The following CACNA1C variants were observed in gnomAD, a reference collection of about 807,000 sequenced individuals.
CACNA1C encodes calcium voltage-gated channel subunit alpha1 C, also known as voltage-dependent L-type calcium channel subunit alpha-1C.
A neutral mutation model predicts 229.0 loss-of-function variants in CACNA1C; 30 were observed. That is an observed-to-expected ratio of 0.13 (90% CI 0.10 to 0.18). CACNA1C has a LOEUF of 0.18. Among genes scored for constraint, CACNA1C ranks in the 10% least tolerant of loss-of-function variants. The probability of loss-of-function intolerance (pLI) is 1.00; values close to 1 mark genes in which losing one functional copy is unlikely to be tolerated. For synonymous variants in CACNA1C, 1,114 were observed against 1,132.5 expected (o/e 0.98, Z 0.33); for missense variants, 1,658 against 2,845.0 (o/e 0.58, Z 9.49).
intron 3 of CACNA1C, among the ~76,000 whole-genome samples, chr12:2,168,492 C>T (rs2096341431): frequency 1.3e-5 from 2 of 152,150 alleles, no homozygotes; most frequent in Non-Finnish European, 2.9e-5. Flanking sequence ...GCCCTTGAAG[C>T]CCAGGCTTTA....
At chr12:2,294,767 C>T (rs996811524) in intron 3 of CACNA1C, among the ~76,000 whole-genome samples, 2 of 152,146 alleles carry the variant, frequency 1.3e-5, no homozygotes, top group Non-Finnish European at 2.9e-5. Context: ...GGACTGCGGG[C>T]GCGTTGTTGG....
intron 3 of CACNA1C, among the ~76,000 whole-genome samples, chr12:2,213,779 C>T (rs2059277273): frequency 1.3e-5 from 2 of 152,246 alleles, no homozygotes; most frequent in Admixed American, 6.5e-5. Flanking sequence ...ATTTATGGCT[C>T]TGCTTACACA....
At chr12:2,150,479 C>T (rs751587761) in intron 3 of CACNA1C, among the ~76,000 whole-genome samples, 51 of 152,102 alleles carry the variant, frequency 3.4e-4, no homozygotes, top group Non-Finnish European at 6.2e-4. Context: ...GAACAAGAGC[C>T]GTGTTCACAT....
rs114179166 is a variant in CACNA1C at position 2,515,047 on chromosome 12, C to G, written c.1390+2063C>G. Among the ~76,000 whole-genome samples the G allele has an allele frequency of 2.0e-3, 308 of 152,332 alleles. 2 individuals carry two copies. Among genetic ancestry groups the G allele is most frequent in the African/African-American group, 7.1e-3 (296 of 41,578 alleles). On this transcript the variant is annotated intron_variant, in intron 9 of 46. Coordinates refer to ENST00000399655, the MANE Select transcript of CACNA1C (RefSeq NM_000719.7). ...CCTTAGACTCTGGAGACTGGTTTCTCTCACCTTGCACTGCTTCCTTACGGC... is the reference window on the plus strand; with the variant it reads ...CCTTAGACTCTGGAGACTGGTTTCTGTCACCTTGCACTGCTTCCTTACGGC...
intron 3 of CACNA1C, among the ~76,000 whole-genome samples, chr12:2,342,572 C>A (rs2096896388): frequency 6.6e-6 from 1 of 152,240 alleles, no homozygotes; most frequent in Non-Finnish European, 1.5e-5. Flanking sequence ...AAAAGCAACT[C>A]TCAGGGTTCT....
chr12:2,237,117 T>C (rs2067705695), intron 3 of CACNA1C, among the ~76,000 whole-genome samples: 1 of 152,192 alleles, frequency 6.6e-6, no homozygotes, highest in African/African-American at 2.4e-5. Context: ...CAGTAGTGGA[T>C]GGGCTGGGGA....
chr12:2,298,591 C>G (rs1592056865), intron 3 of CACNA1C, among the ~76,000 whole-genome samples: 1 of 151,982 alleles, frequency 6.6e-6, no homozygotes, highest in East Asian at 1.9e-4. Flanking sequence ...GCCACCGTGC[C>G]TGGCCAGGTG....
chr12:2,409,070 G>C (rs1395695359), intron 3 of CACNA1C, among the ~76,000 whole-genome samples: 1 of 152,188 alleles, frequency 6.6e-6, no homozygotes, highest in African/African-American at 2.4e-5. Context: ...TGTCCTGTTA[G>C]TGTCTTCAGC....
intron 30 of CACNA1C, among the ~76,000 whole-genome samples, chr12:2,644,572 A>G (rs2094132678): frequency 6.6e-6 from 1 of 152,202 alleles, no homozygotes; most frequent in Non-Finnish European, 1.5e-5. Flanking sequence ...CAGGAAACAC[A>G]TCCTGCGGCC....
intron 3 of CACNA1C, among the ~76,000 whole-genome samples, chr12:2,302,219 A>C (rs1052932210): frequency 2.0e-5 from 3 of 152,038 alleles, no homozygotes; most frequent in Non-Finnish European, 2.9e-5. Context: ...CTATTAACCC[A>C]TTCGCCATTC....
At chr12:2,682,741 G>A in intron 43 of CACNA1C, 63 bp downstream of exon 43, 36 of 1,551,762 alleles carry the variant, frequency 2.3e-5, no homozygotes, top group Non-Finnish European at 3.1e-5. Flanking sequence ...GGGAGGCAGA[G>A]GCAGGTCCCT....
intron 3 of CACNA1C, among the ~76,000 whole-genome samples, chr12:2,428,459 T>TG (rs2099053349): frequency 6.6e-6 from 1 of 152,212 alleles, no homozygotes; most frequent in East Asian, 1.9e-4. Context: ...TAGTTCTATT[T>TG]GGGGGGCTAT....
intron 24 of CACNA1C, among the ~76,000 whole-genome samples, 190 bp from the exon 25 acceptor site, chr12:2,606,421 T>TACTTGCAGC (rs2153430159): frequency 6.6e-6 from 1 of 152,240 alleles, no homozygotes; most frequent in South Asian, 2.1e-4. Context: ...ATTGCAGTGC[T>TACTTGCAGC]ACTTGCAGCA....
chr12:2,116,403 G>A (rs1349638823), intron 2 of CACNA1C, among the ~76,000 whole-genome samples: 3 of 146,504 alleles, frequency 2.0e-5, no homozygotes, highest in Non-Finnish European at 4.5e-5. Flanking sequence ...ACGGAGTCTC[G>A]CTCTGTCACC....
intron 1 of CACNA1C, among the ~76,000 whole-genome samples, chr12:2,090,596 G>A (rs1206397964): frequency 6.6e-6 from 1 of 152,118 alleles, no homozygotes; most frequent in Non-Finnish European, 1.5e-5. Flanking sequence ...GGGATTACAG[G>A]CATGAGCCAC....
intron 29 of CACNA1C, 85 bp from the exon 30 acceptor site, chr12:2,634,209 TTTC>T (rs2091879862): frequency 7.0e-6 from 3 of 431,280 alleles, no homozygotes; most frequent in Non-Finnish European, 1.2e-5. Context: ...TTTTTTTTTT[TTTC>T]ATTTTTCCTC....
In CACNA1C at chr12:2,310,352, A is replaced by AAAATAT. The variant is rs201363709; in HGVS notation, c.478-138623_478-138622insAATATA. 4.4e-3 allele frequency among the ~76,000 whole-genome samples: 612 copies of AAAATAT among 139,818 alleles called. 7 individuals are homozygous for AAAATAT. Among genetic ancestry groups the AAAATAT allele is most frequent in the African/African-American group, 0.015 (549 of 37,632 alleles). 91.7% of individuals were successfully genotyped at this position (139,818 alleles called of 152,430 possible). On this transcript the variant is annotated intron_variant, in intron 3 of 46. Coordinates refer to ENST00000399655, the MANE Select transcript of CACNA1C (RefSeq NM_000719.7). ...CCTCTGCCTCCCAGTTAAAAAAAAA[A>AAAATAT]ATATATATATATATATATATGTATG...
At position 2,346,356 on chromosome 12, in the gene CACNA1C, CTGTGTTTG is replaced by C. The variant is rs962965591; in HGVS notation, c.478-102606_478-102599del. Among the ~76,000 whole-genome samples the C allele has an allele frequency of 3.7e-4, 57 of 152,120 alleles. No homozygotes were observed. Among genetic ancestry groups the C allele is most frequent in the African/African-American group, 1.1e-3 (47 of 41,494 alleles). ...TGTGTGTGTGTGCCTATGTATGTCT[CTGTGTTTG>C]TGTGTTTGTGTGTCTATGTCTGTGT... is the stretch of plus-strand genomic sequence containing the variant. On this transcript the variant is annotated intron_variant, in intron 3 of 46. Transcript: ENST00000399655. The surrounding 1 kb of genome is among the most constrained non-coding windows in gnomAD (Gnocchi z 4.4).
At chr12:2,588,996 A>G (rs1286888731) in intron 18 of CACNA1C, among the ~76,000 whole-genome samples, 2 of 152,184 alleles carry the variant, frequency 1.3e-5, no homozygotes, top group Non-Finnish European at 2.9e-5. Context: ...GGCTTCATGC[A>G]GAAGGGTGGT....
Sources: gnomAD v4.1 joint callset for allele counts (sites outside exome capture counted in the v4.1 genomes callset) on GRCh38, gnomAD v4.1.1 for gene constraint, Gnocchi (gnomAD v3.1) non-coding constraint, MANE v1.5 for transcripts, NCBI Gene and HGNC (gene_info 2026-07-23, HGNC 2026-07-21) for gene names.